Variants in ARID3A observed in about 807,000 individuals in gnomAD.
The protein encoded by ARID3A is AT-rich interactive domain-containing protein 3A.
A neutral mutation model predicts 52.7 loss-of-function variants in ARID3A; 11 were observed. That is an observed-to-expected ratio of 0.21 (90% confidence interval 0.13 to 0.35). The LOEUF is 0.35. Ranked by LOEUF, ARID3A falls within the 10% of genes least tolerant of loss-of-function variation. The pLI is 1.00. For missense variants in ARID3A, 721 were observed against 838.5 expected (o/e 0.86, Z 1.73); for synonymous variants, 404 against 359.4 (o/e 1.12, Z -1.40).
At chr19:946,693 G>A (rs1490833532) in intron 3 of ARID3A, among the ~76,000 whole-genome samples, 4 of 151,896 alleles carry the variant, frequency 2.6e-5, no homozygotes, top group South Asian at 4.2e-4. Context: ...CGCCTGCCTC[G>A]GCCTCCCAAA....
intron 3 of ARID3A, among the ~76,000 whole-genome samples, chr19:946,123 T>TG (rs570566917): frequency 1.6e-4 from 24 of 151,984 alleles, no homozygotes; most frequent in Non-Finnish European, 3.2e-4. Context: ...CTGGCCGGTC[T>TG]GGGGGGCGGG....
At chr19:954,902 C>T (rs2145426158) in intron 3 of ARID3A, among the ~76,000 whole-genome samples, 2 of 152,288 alleles carry the variant, frequency 1.3e-5, no homozygotes, top group South Asian at 4.1e-4. Flanking sequence ...CAGAGCAGGC[C>T]CCAGGGAGGT....
intron 3 of ARID3A, 131 bp downstream of exon 3, chr19:932,873 G>T: frequency 6.8e-7 from 1 of 1,477,260 alleles, no homozygotes; most frequent in Non-Finnish European, 8.9e-7. Flanking sequence ...TCCTGCGGTA[G>T]CTGTGCTTCC....
intron 3 of ARID3A, among the ~76,000 whole-genome samples, chr19:940,084 G>T (rs75618022): frequency 0.047 from 7,089 of 152,106 alleles, 194 homozygotes; most frequent in Admixed American, 0.092. Flanking sequence ...CTGCCAAGAG[G>T]AAGGGGCATT....
chr19:959,952 G>C lies in ARID3A; in HGVS notation c.694-140G>C, dbSNP rs542730852. 1.4e-5 allele frequency: 8 copies of C among 580,068 alleles called. No homozygotes were observed. Among genetic ancestry groups the C allele is most frequent in the Non-Finnish European group, 2.3e-5 (8 of 346,214 alleles). The allele number at this position is 580,068 out of a possible 1,614,324, so 35.9% of individuals were successfully genotyped here. A position where few individuals can be genotyped will look rare whatever the true frequency, so the allele number is the denominator to read the frequency against. On this transcript the variant is annotated intron_variant, in intron 3 of 8. Transcript: ENST00000263620. The surrounding 1 kb of genome is among the most constrained non-coding windows in gnomAD (Gnocchi z 5.0). ...TCTTCACCTGCCCAGCGGGGTCTTC[G>C]GCTCTGGCAGCGGCTTGAGGGTCCT... is the stretch of plus-strand genomic sequence containing the variant.
intron 6 of ARID3A, 96 bp downstream of exon 6, chr19:965,176 AGGATGAAAAACCCTATAGTT>A: frequency 7.2e-7 from 1 of 1,384,292 alleles, no homozygotes; most frequent in Non-Finnish European, 9.6e-7. Context: ...CTGGGTAACC[AGGATGAAAAACCCTATAGTT>A]GGCATGGAAA....
At chr19:934,406 C>T (rs1247846199) in intron 3 of ARID3A, among the ~76,000 whole-genome samples, 1 of 152,346 alleles carries the variant, frequency 6.6e-6, no homozygotes, top group South Asian at 2.1e-4. Flanking sequence ...ATGTCCTGAG[C>T]GAAGGCAGGA....
At position 932,691 on chromosome 19, in the gene ARID3A, G is replaced by A; in HGVS notation, c.642G>A (p.Gln214=). 6.5e-7 allele frequency: 1 copy of A among 1,547,086 alleles called. No individual in the cohort carries two copies. Residue 214 remains glutamine, a synonymous_variant, in exon 3 of 9, where the codon CAG becomes CAA. Coordinates refer to ENST00000263620, the MANE Select transcript of ARID3A (RefSeq NM_005224.3). ...HPGGAAHVAP[Q]LQPPDHGDWT... is the part of the protein sequence containing the mutation. Reference sequence around the variant, plus strand: ...GAGGGGCCGCCCACGTAGCCCCGCAGCTGCAGCCGCCTGACCACGGCGACT... The same window carrying A: ...GAGGGGCCGCCCACGTAGCCCCGCAACTGCAGCCGCCTGACCACGGCGACT...
At chr19:926,953 A>G (rs1035247430) in intron 1 of ARID3A, among the ~76,000 whole-genome samples, 3 of 146,210 alleles carry the variant, frequency 2.1e-5, no homozygotes. Flanking sequence ...CTGTCTTCTT[A>G]TTTCTTCTCC....
chr19:926,675 C>G (rs1013765982), intron 1 of ARID3A, among the ~76,000 whole-genome samples: 5 of 151,334 alleles, frequency 3.3e-5, no homozygotes, highest in African/African-American at 9.7e-5. Flanking sequence ...CCGCGGCCCC[C>G]GGGCGCCGGG....
intron 3 of ARID3A, among the ~76,000 whole-genome samples, chr19:952,992 C>G (rs1004719605): frequency 6.6e-6 from 1 of 152,140 alleles, no homozygotes; most frequent in African/African-American, 2.4e-5. Flanking sequence ...ATGTGCTGGC[C>G]CCGGCCACCC....
At chr19:954,817 CGGG>C (rs2037882323) in intron 3 of ARID3A, among the ~76,000 whole-genome samples, 2 of 111,506 alleles carry the variant, frequency 1.8e-5, no homozygotes, top group African/African-American at 6.9e-5. Flanking sequence ...GGCGGCCGCT[CGGG>C]GCTGATGGGG....
chr19:944,075 C>T lies in ARID3A; in HGVS notation c.693+11333C>T, dbSNP rs1006402514. 5.5e-5 allele frequency among the ~76,000 whole-genome samples: 8 copies of T among 146,000 alleles called. No individual in the cohort carries two copies. In the East Asian group the frequency reaches 1.6e-3, roughly 30 times the overall value. On this transcript the variant is annotated intron_variant, in intron 3 of 8. Transcript: ENST00000263620. The surrounding 1 kb of genome is among the most constrained non-coding windows in gnomAD (Gnocchi z 5.9). ...CTTACGGGGCATCTGTATGCCAGCC[C>T]GACCCTCTCATGGGCACCTACAGGG... is the stretch of plus-strand genomic sequence containing the variant.
intron 2 of ARID3A, among the ~76,000 whole-genome samples, chr19:930,685 A>G (rs934029625): frequency 2.0e-5 from 3 of 150,242 alleles, no homozygotes; most frequent in African/African-American, 4.9e-5. Context: ...AACTTTTTGT[A>G]TTTTTAGTAG....
chr19:964,757 T>C lies in ARID3A; in HGVS notation c.951-76T>C. On this transcript the variant is annotated intron_variant, in intron 5 of 8. Coordinates refer to ENST00000263620, the MANE Select transcript of ARID3A (RefSeq NM_005224.3). This position sits in a 1 kb window ranked among gnomAD's most constrained non-coding sequence, Gnocchi z 5.7. ...CAGGGATGGTGGTGCCACAGTGGGGTTTACTTTGTACTGAAGGCCAAAGAG... is the reference window on the plus strand; with the variant it reads ...CAGGGATGGTGGTGCCACAGTGGGGCTTACTTTGTACTGAAGGCCAAAGAG... 6.5e-7 allele frequency: 1 copy of C among 1,539,200 alleles called. No individual in the cohort carries two copies.
chr19:927,336 T>G (rs1333331165), intron 1 of ARID3A, among the ~76,000 whole-genome samples: 24 of 104,494 alleles, frequency 2.3e-4, no homozygotes, highest in South Asian at 1.3e-3. Context: ...CTGAAGGGGG[T>G]GGGCGTAGCT....
At chr19:934,583 G>A (rs8112320) in intron 3 of ARID3A, among the ~76,000 whole-genome samples, 16 of 152,276 alleles carry the variant, frequency 1.1e-4, no homozygotes, top group African/African-American at 3.1e-4. Flanking sequence ...AGATCCTGCC[G>A]CCCCGCACCT....
Position 966,850 on chromosome 19 carries a change from A to G in ARID3A, c.1477A>G (p.Ile493Val), listed in dbSNP as rs2038168232. ...CATGGCGGCCCAGCTGCCCATGAGCATTCGGATCAACAGCCAAGGTACTGC... is the reference window on the plus strand; with the variant it reads ...CATGGCGGCCCAGCTGCCCATGAGCGTTCGGATCAACAGCCAAGGTACTGC... ...LAMAAQLPMS[I>V]RINSQASESR... Residue 493 changes from isoleucine to valine, a missense_variant, in exon 7 of 9, where the codon ATT (isoleucine) becomes GTT (valine). Coordinates refer to ENST00000263620, the MANE Select transcript of ARID3A (RefSeq NM_005224.3). 5 of 1,610,406 alleles carry G rather than the reference A, an allele frequency of 3.1e-6. No homozygotes were observed. Among genetic ancestry groups the G allele is most frequent in the Non-Finnish European group, 4.2e-6 (5 of 1,177,614 alleles).
Position 974,719 on chromosome 19 carries a change from G to GGTCGTCTCCCTCGGGCTGC in ARID3A, c.*2657_*2675dup, listed in dbSNP as rs1361163065. On this transcript the variant is annotated 3_prime_UTR_variant, in exon 9 of 9. Transcript: ENST00000263620. ...AGGGGCCGTGCAGGGTCGAGGGCTGGGTCGTCTCCCTCGGGCTGCGTGTGT... is the reference window on the plus strand; with the variant it reads ...AGGGGCCGTGCAGGGTCGAGGGCTGGGTCGTCTCCCTCGGGCTGCGTCGTCTCCCTCGGGCTGCGTGTGT... 2.6e-5 allele frequency: 6 copies of GGTCGTCTCCCTCGGGCTGC among 231,700 alleles called. No individual in the cohort carries two copies. Among genetic ancestry groups the GGTCGTCTCCCTCGGGCTGC allele is most frequent in the Non-Finnish European group, 4.3e-5 (5 of 117,082 alleles). 14.4% of individuals were successfully genotyped at this position (231,700 alleles called of 1,614,324 possible). A position where few individuals can be genotyped will look rare whatever the true frequency, so the allele number is the denominator to read the frequency against.
Sources: allele counts gnomAD v4.1 joint callset (sites outside exome capture counted in the v4.1 genomes callset), GRCh38; gene constraint gnomAD v4.1.1; non-coding constraint Gnocchi (gnomAD v3.1); transcripts MANE v1.5; gene names NCBI Gene and HGNC (gene_info 2026-07-23, HGNC 2026-07-21).